Variants in DLGAP1 observed in about 807,000 individuals in gnomAD.
The protein encoded by DLGAP1 is DLG associated protein 1.
A neutral mutation model predicts 90.8 loss-of-function variants in DLGAP1; 11 were observed. That is an observed-to-expected ratio of 0.12 (90% CI 0.08 to 0.20). DLGAP1 has a LOEUF of 0.20. Ranked by LOEUF, DLGAP1 falls within the 10% of genes least tolerant of loss-of-function variation. DLGAP1 has a pLI of 1.00. For synonymous variants in DLGAP1, 558 were observed against 540.7 expected (o/e 1.03, Z -0.44); for missense variants, 1,050 against 1,333.8 (o/e 0.79, Z 3.31).
Position 3,497,197 on chromosome 18 carries a change from T to C in DLGAP1, c.*1988A>G, listed in dbSNP as rs1300756083. ...CCAAGTGGCAGTTGGCCCTACTCGA[T>C]GCAAGCTTTGTGTGACTTTTAATTG... On this transcript the variant is annotated 3_prime_UTR_variant, in exon 13 of 13. Transcript: ENST00000315677. 6.6e-6 allele frequency: 1 copy of C among 152,212 alleles called. No individual in the cohort carries two copies. The highest frequency in any genetic ancestry group is 1.5e-5 in the Non-Finnish European group (1 of 68,046). 9.4% of individuals were successfully genotyped at this position (152,212 alleles called of 1,614,324 possible).
intron 7 of DLGAP1, among the ~76,000 whole-genome samples, chr18:3,683,913 A>T (rs1451881671): frequency 6.6e-6 from 1 of 152,146 alleles, no homozygotes; most frequent in East Asian, 1.9e-4. Context: ...AAAAAATTTC[A>T]TCTTGCTCTT....
chr18:4,364,845 G>A (rs904403527), intron 1 of DLGAP1, among the ~76,000 whole-genome samples: 1 of 152,008 alleles, frequency 6.6e-6, no homozygotes, highest in African/African-American at 2.4e-5. Context: ...CAGTGATTCT[G>A]GTATGTTGTA....
At chr18:3,597,091 C>CTTTTTT in intron 7 of DLGAP1, 1 of 499,794 alleles carries the variant, frequency 2.0e-6, no homozygotes, top group Non-Finnish European at 4.0e-6. Flanking sequence ...CCTCGTTACT[C>CTTTTTT]TTTTTTTTTT....
chr18:3,740,760 T>A (rs1238888245), intron 6 of DLGAP1, among the ~76,000 whole-genome samples: 1 of 131,180 alleles, frequency 7.6e-6, no homozygotes, highest in Admixed American at 7.5e-5. Context: ...ACCACCACTG[T>A]CACCATCACT....
At chr18:4,369,047 T>TG (rs1567866917) in intron 1 of DLGAP1, among the ~76,000 whole-genome samples, 1 of 152,140 alleles carries the variant, frequency 6.6e-6, no homozygotes, top group African/African-American at 2.4e-5. Context: ...GATATGCAGC[T>TG]CTTTTTATCA....
chr18:3,841,118 G>T (rs972120376), intron 4 of DLGAP1, among the ~76,000 whole-genome samples: 2 of 152,192 alleles, frequency 1.3e-5, no homozygotes, highest in African/African-American at 4.8e-5. Context: ...ACCAGTGGAA[G>T]CCCCCCTAAG....
rs577578503 is a variant in DLGAP1 at position 3,509,169 on chromosome 18, T to A, written c.2480-508A>T. 8.6e-5 allele frequency among the ~76,000 whole-genome samples: 13 copies of A among 152,028 alleles called. No individual in the cohort carries two copies. In the South Asian group the frequency reaches 2.5e-3, roughly 29 times the overall value. ...TGGCACTCACCATATCCCATCCACA[T>A]CCTTTCTTATTTTTCCGGAGCTCAG... On this transcript the variant is annotated intron_variant, in intron 10 of 12. Transcript: ENST00000315677.
chr18:3,583,171 TACCTACCTA>T (rs2055646451), intron 7 of DLGAP1, among the ~76,000 whole-genome samples: 47 of 140,662 alleles, frequency 3.3e-4, no homozygotes, highest in East Asian at 1.1e-3. Context: ...CCTACCTACC[TACCTACCTA>T]CCTACCTTCC....
intron 7 of DLGAP1, among the ~76,000 whole-genome samples, chr18:3,662,432 T>C (rs1033980233): frequency 6.6e-6 from 1 of 152,124 alleles, no homozygotes; most frequent in African/African-American, 2.4e-5. Context: ...AAGAGAATTG[T>C]AGGTATGTGT....
intron 7 of DLGAP1, among the ~76,000 whole-genome samples, chr18:3,599,682 C>T (rs1199499740): frequency 6.6e-5 from 10 of 152,140 alleles, no homozygotes; most frequent in African/African-American, 1.9e-4. Flanking sequence ...TGTAGTGGCG[C>T]GATCTCGGCT....
At chr18:3,739,692 G>A (rs1424283882) in intron 6 of DLGAP1, among the ~76,000 whole-genome samples, 1 of 151,918 alleles carries the variant, frequency 6.6e-6, no homozygotes, top group Non-Finnish European at 1.5e-5. Context: ...CAAGTTAGTG[G>A]GTGCAGCGCA....
intron 11 of DLGAP1, among the ~76,000 whole-genome samples, chr18:3,506,474 T>C (rs1335758950): frequency 8.3e-6 from 1 of 120,984 alleles, no homozygotes; most frequent in Non-Finnish European, 1.6e-5. Flanking sequence ...GATTGCGCCA[T>C]TGCACTCCAG....
intron 1 of DLGAP1, among the ~76,000 whole-genome samples, chr18:4,287,497 G>C (rs1478946585): frequency 3.3e-5 from 5 of 152,158 alleles, no homozygotes; most frequent in African/African-American, 1.2e-4. Flanking sequence ...CATACACCAT[G>C]GAATACTATG....
At chr18:4,272,817 A>G (rs1420779813) in intron 1 of DLGAP1, among the ~76,000 whole-genome samples, 1 of 152,144 alleles carries the variant, frequency 6.6e-6, no homozygotes, top group African/African-American at 2.4e-5. Context: ...TGCAGACATA[A>G]TTAGTTATAA....
intron 1 of DLGAP1, among the ~76,000 whole-genome samples, chr18:4,282,072 G>T (rs1000994367): frequency 6.6e-6 from 1 of 152,114 alleles, no homozygotes; most frequent in Non-Finnish European, 1.5e-5. Flanking sequence ...TTCATTAAAA[G>T]AGTCAAAATG....
At position 3,898,083 on chromosome 18, in the gene DLGAP1, T is replaced by C. The variant is rs76501807; in HGVS notation, c.-72-17943A>G. On this transcript the variant is annotated intron_variant, in intron 3 of 12. Coordinates refer to ENST00000315677, the MANE Select transcript of DLGAP1 (RefSeq NM_004746.4). ...TGCTGGGATTACAGGCGTGAGCCAC[T>C]GCGCCCGGCCGAATTTCTGATTTTT... Among the ~76,000 whole-genome samples the C allele has an allele frequency of 5.5e-3, 838 of 152,224 alleles. 20 individuals carry two copies. In the East Asian group the frequency reaches 0.075, roughly 14 times the overall value.
At chr18:3,965,890 G>A (rs898640653) in intron 3 of DLGAP1, among the ~76,000 whole-genome samples, 6 of 147,696 alleles carry the variant, frequency 4.1e-5, no homozygotes, top group East Asian at 4.1e-4. Context: ...GGAGGTTGCC[G>A]TGAGCCGAGA....
intron 4 of DLGAP1, among the ~76,000 whole-genome samples, chr18:3,814,479 A>G (rs1305814032): frequency 1.3e-5 from 2 of 149,176 alleles, no homozygotes; most frequent in Admixed American, 6.8e-5. Flanking sequence ...CTCCTGCCTC[A>G]GCCTCCTGAG....
chr18:4,197,545 A>T (rs1204177655), intron 1 of DLGAP1, among the ~76,000 whole-genome samples: 1 of 152,154 alleles, frequency 6.6e-6, no homozygotes, highest in Non-Finnish European at 1.5e-5. Flanking sequence ...CCAGATTGAT[A>T]GGATTTGACA....
Sources: allele counts gnomAD v4.1 joint callset (sites outside exome capture counted in the v4.1 genomes callset), GRCh38; gene constraint gnomAD v4.1.1; transcripts MANE v1.5; gene names NCBI Gene and HGNC (gene_info 2026-07-23, HGNC 2026-07-21).